Variants in BCAS3 observed in about 807,000 individuals in gnomAD.
BCAS3 encodes BCAS4/BCAS3 fusion.
A neutral mutation model predicts 116.1 loss-of-function variants in BCAS3; 53 were observed. That is an observed-to-expected ratio of 0.46 (90% CI 0.37 to 0.57). The LOEUF (loss-of-function observed/expected upper bound fraction) is 0.57, where lower values mean the gene tolerates loss of function less well. Ranked by LOEUF, BCAS3 falls within the 20% of genes least tolerant of loss-of-function variation. The probability of loss-of-function intolerance (pLI) is 0.00; values close to 1 mark genes in which losing one functional copy is unlikely to be tolerated. For synonymous variants in BCAS3, 391 were observed against 408.2 expected (o/e 0.96, Z 0.51); for missense variants, 917 against 1,165.4 (o/e 0.79, Z 3.10).
At chr17:60,953,620 C>A (rs951110575) in intron 14 of BCAS3, among the ~76,000 whole-genome samples, 2 of 151,794 alleles carry the variant, frequency 1.3e-5, no homozygotes, top group African/African-American at 2.4e-5. Context: ...CTTTTGGTGT[C>A]TTTGTCATGA....
At chr17:61,253,490 A>T (rs949579598) in intron 22 of BCAS3, among the ~76,000 whole-genome samples, 10 of 152,092 alleles carry the variant, frequency 6.6e-5, no homozygotes, top group African/African-American at 2.4e-4. Context: ...TAATAGTATT[A>T]TTAGCATTAT....
intron 9 of BCAS3, among the ~76,000 whole-genome samples, chr17:60,881,398 T>G (rs941396926): frequency 6.6e-6 from 1 of 152,192 alleles, no homozygotes. Context: ...TCCAAGGTCA[T>G]GAAAATTTAC....
rs1363005579 is a variant in BCAS3, at chr17:61,347,865, C to CAG, written c.2426-20460_2426-20459dup. Among the ~76,000 whole-genome samples the CAG allele has an allele frequency of 6.6e-6, 1 of 152,164 alleles. No individual in the cohort carries two copies. The highest frequency in any genetic ancestry group is 2.1e-4 in the South Asian group (1 of 4,826). On this transcript the variant is annotated intron_variant, in intron 22 of 23. Coordinates refer to ENST00000407086, the MANE Select transcript of BCAS3 (RefSeq NM_017679.5). The surrounding 1 kb of genome is among the most constrained non-coding windows in gnomAD (Gnocchi z 4.3). ...CCAGGCAGAGGGAGCAGCAGATGCACAGACACAGGGGCAAGGCGCAAGGTG... is the reference window on the plus strand; with the variant it reads ...CCAGGCAGAGGGAGCAGCAGATGCACAGAGACACAGGGGCAAGGCGCAAGGTG...
intron 14 of BCAS3, among the ~76,000 whole-genome samples, chr17:60,955,603 C>T (rs1237200023): frequency 6.6e-6 from 1 of 151,930 alleles, no homozygotes; most frequent in African/African-American, 2.4e-5. Flanking sequence ...CCAGGATGGT[C>T]TGGATATCCT....
intron 22 of BCAS3, among the ~76,000 whole-genome samples, chr17:61,218,423 C>T (rs146917267): frequency 1.1e-4 from 16 of 152,348 alleles, no homozygotes; most frequent in African/African-American, 3.6e-4. Flanking sequence ...GACGTACATG[C>T]TGTTGGCATC....
intron 22 of BCAS3, among the ~76,000 whole-genome samples, chr17:61,357,427 C>G (rs570797635): frequency 6.8e-6 from 1 of 147,756 alleles, no homozygotes; most frequent in African/African-American, 2.5e-5. Flanking sequence ...GAGATCCTCT[C>G]TCTAAAAAAA....
chr17:61,154,493 T>C (rs1286244864), intron 22 of BCAS3, among the ~76,000 whole-genome samples: 1 of 151,634 alleles, frequency 6.6e-6, no homozygotes, highest in East Asian at 1.9e-4. Flanking sequence ...TGGAGTGCAG[T>C]GGGGGGATCA....
intron 6 of BCAS3, among the ~76,000 whole-genome samples, chr17:60,753,643 T>C (rs1454882922): frequency 6.6e-6 from 1 of 152,018 alleles, no homozygotes; most frequent in Non-Finnish European, 1.5e-5. Context: ...TCACCTGACC[T>C]CGTGATCTGC....
At chr17:60,710,993 G>C (rs913555851) in intron 5 of BCAS3, among the ~76,000 whole-genome samples, 5 of 151,782 alleles carry the variant, frequency 3.3e-5, no homozygotes, top group Admixed American at 6.6e-5. Flanking sequence ...AATGGAGACA[G>C]GGTCCTACTG....
intron 22 of BCAS3, among the ~76,000 whole-genome samples, chr17:61,303,475 G>A (rs1269599885): frequency 2.0e-5 from 3 of 152,132 alleles, no homozygotes; most frequent in East Asian, 1.9e-4. Flanking sequence ...CAGCTCCATC[G>A]CCACTCAGCT....
intron 13 of BCAS3, among the ~76,000 whole-genome samples, chr17:60,945,316 C>T (rs369824968): frequency 6.6e-6 from 1 of 151,986 alleles, no homozygotes; most frequent in Admixed American, 6.6e-5. Context: ...ACAGTTGTCC[C>T]CAAATTAATT....
At chr17:60,692,581 A>AG (rs1373540825) in intron 4 of BCAS3, among the ~76,000 whole-genome samples, 3 of 151,886 alleles carry the variant, frequency 2.0e-5, no homozygotes, top group African/African-American at 7.3e-5. Flanking sequence ...TTGAATATTG[A>AG]AACAGGACTC....
chr17:61,297,095 G>T (rs1268182321), intron 22 of BCAS3, among the ~76,000 whole-genome samples: 1 of 152,200 alleles, frequency 6.6e-6, no homozygotes. Flanking sequence ...GAGGAGTGAT[G>T]AATGCCTTCC....
chr17:60,889,596 T>C, intron 9 of BCAS3, 99 bp from the exon 10 acceptor site: 5 of 960,702 alleles, frequency 5.2e-6, no homozygotes, highest in Non-Finnish European at 8.1e-6. Context: ...TGAAAAAATA[T>C]AAGCATTTGA....
At chr17:60,935,629 A>G (rs1255657712) in intron 13 of BCAS3, among the ~76,000 whole-genome samples, 2 of 152,174 alleles carry the variant, frequency 1.3e-5, no homozygotes, top group East Asian at 3.8e-4. Context: ...AATATTTTCA[A>G]CATATGCTCA....
intron 10 of BCAS3, 66 bp downstream of exon 10, chr17:60,889,837 A>G: frequency 2.9e-6 from 4 of 1,393,286 alleles, no homozygotes; most frequent in South Asian, 2.4e-5. Context: ...TCCATAAAAA[A>G]TACCTGTGCT....
chr17:60,898,106 A>T (rs954263112), intron 10 of BCAS3, among the ~76,000 whole-genome samples: 4 of 151,840 alleles, frequency 2.6e-5, no homozygotes, highest in African/African-American at 9.7e-5. Context: ...TATATTCTGA[A>T]TTGTTTTTCT....
intron 5 of BCAS3, among the ~76,000 whole-genome samples, chr17:60,734,336 C>T (rs1052785718): frequency 6.6e-6 from 1 of 152,134 alleles, no homozygotes; most frequent in Non-Finnish European, 1.5e-5. Flanking sequence ...TGCTGTGTTG[C>T]CCAGGCTGGT....
In BCAS3 at chr17:61,052,458, C is replaced by T. The variant is rs377498018; in HGVS notation, c.2029+11566C>T. ...GAATATTATGGAACCATAGGCAGCA[C>T]GACGTGTTAGAAGGCAGCAGATGAG... is the stretch of plus-strand genomic sequence containing the variant. On this transcript the variant is annotated intron_variant, in intron 19 of 23. Coordinates refer to ENST00000407086, the MANE Select transcript of BCAS3 (RefSeq NM_017679.5). 9.2e-5 allele frequency among the ~76,000 whole-genome samples: 14 copies of T among 151,996 alleles called. No homozygotes were observed. In the East Asian group the frequency reaches 2.3e-3, roughly 25 times the overall value.
Sources: allele counts gnomAD v4.1 joint callset (sites outside exome capture counted in the v4.1 genomes callset), GRCh38; gene constraint gnomAD v4.1.1; non-coding constraint Gnocchi (gnomAD v3.1); transcripts MANE v1.5; gene names NCBI Gene and HGNC (gene_info 2026-07-23, HGNC 2026-07-21).